Variants in TLN2 observed in about 807,000 individuals in gnomAD.
TLN2 encodes talin 2.
Under a neutral mutation model 294.7 loss-of-function variants are expected in TLN2, and 118 were observed. The ratio of observed to expected loss-of-function variants is 0.40; its 90% CI spans 0.34 to 0.47. The LOEUF (loss-of-function observed/expected upper bound fraction) is 0.47. Ranked by LOEUF, TLN2 falls within the 20% of genes least tolerant of loss-of-function variation. The probability of loss-of-function intolerance (pLI) is 0.84; values close to 1 mark genes in which losing one functional copy is unlikely to be tolerated. For missense variants in TLN2, 3,083 were observed against 3,282.2 expected (o/e 0.94, Z 1.48); for synonymous variants, 1,431 against 1,304.5 (o/e 1.10, Z -2.09).
intron 1 of TLN2, among the ~76,000 whole-genome samples, chr15:62,466,397 G>A (rs1595872746): frequency 6.6e-6 from 1 of 152,244 alleles, no homozygotes; most frequent in East Asian, 1.9e-4. Context: ...TTTGTTGTGC[G>A]GGGCTGGCCT....
At chr15:62,493,216 G>A (rs920406141) in intron 1 of TLN2, among the ~76,000 whole-genome samples, 2 of 152,196 alleles carry the variant, frequency 1.3e-5, no homozygotes, top group African/African-American at 4.8e-5. Context: ...CTGATGGTCT[G>A]AAATTGCCAG....
At chr15:62,544,744 C>A (rs1408439062) in intron 1 of TLN2, among the ~76,000 whole-genome samples, 1 of 140,916 alleles carries the variant, frequency 7.1e-6, no homozygotes, top group Non-Finnish European at 1.5e-5. Context: ...TTTTTTTCTT[C>A]CCCCCCTCTA....
intron 2 of TLN2, among the ~76,000 whole-genome samples, chr15:62,590,516 C>A (rs1033506937): frequency 1.3e-5 from 2 of 152,174 alleles, no homozygotes; most frequent in East Asian, 1.9e-4. Context: ...TTTATGGCTG[C>A]ATCGTATCCC....
chr15:62,436,772 G>A (rs2035306386), intron 1 of TLN2, among the ~76,000 whole-genome samples: 1 of 152,192 alleles, frequency 6.6e-6, no homozygotes, highest in Non-Finnish European at 1.5e-5. Context: ...CACCCAGCCT[G>A]GAGTGCAGTA....
chr15:62,576,536 G>A (rs1032868862), intron 1 of TLN2, among the ~76,000 whole-genome samples: 3 of 150,570 alleles, frequency 2.0e-5, no homozygotes, highest in African/African-American at 7.3e-5. Context: ...GAGAATTGCT[G>A]ATACTTGCCC....
At chr15:62,468,761 T>TA (rs202131408) in intron 1 of TLN2, among the ~76,000 whole-genome samples, 8,765 of 87,228 alleles carry the variant, frequency 0.1, 456 homozygotes, top group African/African-American at 0.19. Flanking sequence ...AAAATAAAAA[T>TA]AAAAAAAATA....
chr15:62,457,831 C>G (rs1245419912), intron 1 of TLN2, among the ~76,000 whole-genome samples: 1 of 152,166 alleles, frequency 6.6e-6, no homozygotes, highest in Non-Finnish European at 1.5e-5. Flanking sequence ...CATTGCTTGG[C>G]TTCAGGTCCC....
chr15:62,403,801 C>T (rs1225503238), intron 1 of TLN2, among the ~76,000 whole-genome samples: 4 of 152,216 alleles, frequency 2.6e-5, no homozygotes, highest in South Asian at 2.1e-4. Flanking sequence ...TCCAGGATCA[C>T]CTCTTATGAG....
chr15:62,761,099 T>A (rs915706608), intron 37 of TLN2, among the ~76,000 whole-genome samples: 2 of 152,220 alleles, frequency 1.3e-5, no homozygotes, highest in African/African-American at 4.8e-5. Context: ...TTTATTTGTA[T>A]GGCTGGGGGT....
intron 3 of TLN2, among the ~76,000 whole-genome samples, chr15:62,636,967 C>T (rs940083050): frequency 6.6e-6 from 1 of 152,116 alleles, no homozygotes; most frequent in Admixed American, 6.5e-5. Context: ...CTTCCCCCAC[C>T]CCAACCCCAC....
intron 1 of TLN2, among the ~76,000 whole-genome samples, chr15:62,535,492 C>CACACA (rs771342181): frequency 1.5e-5 from 2 of 136,162 alleles, no homozygotes. Context: ...ACACACACAC[C>CACACA]CCTCTCTCTC....
intron 14 of TLN2, among the ~76,000 whole-genome samples, chr15:62,697,283 ATTTTT>A (rs1282333295): frequency 6.6e-6 from 1 of 151,832 alleles, no homozygotes; most frequent in Non-Finnish European, 1.5e-5. Context: ...GAGTTGTTGA[ATTTTT>A]TGTAGAGACG....
intron 1 of TLN2, among the ~76,000 whole-genome samples, chr15:62,423,361 A>G (rs1362334638): frequency 6.6e-6 from 1 of 152,026 alleles, no homozygotes; most frequent in African/African-American, 2.4e-5. Context: ...ATAGAGTGAG[A>G]CCCTTTTTTA....
chr15:62,417,097 G>A (rs905518195), intron 1 of TLN2, among the ~76,000 whole-genome samples: 2 of 152,150 alleles, frequency 1.3e-5, no homozygotes, highest in Non-Finnish European at 2.9e-5. Context: ...ATGGCGTCAG[G>A]TGTTAGGGCA....
intron 1 of TLN2, among the ~76,000 whole-genome samples, chr15:62,525,411 A>G (rs2040683872): frequency 6.6e-6 from 1 of 152,194 alleles, no homozygotes; most frequent in South Asian, 2.1e-4. Context: ...AATTTATTGA[A>G]TACATCCTGC....
At chr15:62,467,858 G>C (rs908174803) in intron 1 of TLN2, among the ~76,000 whole-genome samples, 2 of 152,120 alleles carry the variant, frequency 1.3e-5, no homozygotes, top group African/African-American at 4.8e-5. Flanking sequence ...GTGGAGTTTT[G>C]GCCAGATAAT....
intron 1 of TLN2, among the ~76,000 whole-genome samples, chr15:62,421,987 G>A (rs1315193345): frequency 6.6e-6 from 1 of 151,946 alleles, no homozygotes; most frequent in East Asian, 1.9e-4. Context: ...CGGGCCAGGT[G>A]CAGTAGCTCA....
At chr15:62,795,452 A>G (rs2141128253) in intron 46 of TLN2, among the ~76,000 whole-genome samples, 1 of 152,228 alleles carries the variant, frequency 6.6e-6, no homozygotes, top group African/African-American at 2.4e-5. Context: ...GGTGAGGGTG[A>G]CAGCACAGGA....
intron 1 of TLN2, among the ~76,000 whole-genome samples, chr15:62,554,202 C>T (rs2042479939): frequency 6.6e-6 from 1 of 151,640 alleles, no homozygotes; most frequent in African/African-American, 2.4e-5. Context: ...TCTCTAACCC[C>T]TGCCCCCCTC....
Sources: allele counts gnomAD v4.1 joint callset (sites outside exome capture counted in the v4.1 genomes callset), GRCh38; gene constraint gnomAD v4.1.1; transcripts MANE v1.5; gene names NCBI Gene and HGNC (gene_info 2026-07-23, HGNC 2026-07-21).